Variants in GRTP1 observed in about 807,000 individuals in gnomAD.
GRTP1 encodes growth hormone regulated TBC protein 1.
Under a neutral mutation model 38.1 loss-of-function variants are expected in GRTP1, and 56 were observed. The observed-to-expected ratio is 1.47, with a 90% CI of 1.19 to 1.84. The LOEUF is 1.84. Ranked by LOEUF, GRTP1 falls within the 40% of genes most tolerant of loss-of-function variation. The pLI is 0.00. For missense variants in GRTP1, 506 were observed against 453.9 expected, an observed-to-expected ratio of 1.11 and a Z score of -1.04; for synonymous variants, 217 against 189.5, an observed-to-expected ratio of 1.14 and a Z score of -1.19.
rs1419098215 is a variant in GRTP1 at position 113,348,158 on chromosome 13, C to T, written c.465+2691G>A. On this transcript the variant is annotated intron_variant, in intron 4 of 7. Coordinates refer to ENST00000375431, the MANE Select transcript of GRTP1 (RefSeq NM_024719.4). The surrounding 1 kb of genome is among the most constrained non-coding windows in gnomAD (Gnocchi z 4.8). The stretch of plus-strand genomic sequence containing the variant: ...CATGGAAATGCAGGTGGGTGATCAT[C>T]GTGGAGAAAAAGCAGAACATAGCCA... 2.0e-5 allele frequency among the ~76,000 whole-genome samples: 3 copies of T among 152,088 alleles called. No individual in the cohort carries two copies. The highest frequency in any genetic ancestry group is 2.9e-5 in the Non-Finnish European group (2 of 68,018).
rs146623838 is a variant in GRTP1 at position 113,332,381 on chromosome 13, C to CGT, written c.563-6291_563-6290insAC. On this transcript the variant is annotated intron_variant, in intron 5 of 7. Transcript: ENST00000375431. The stretch of plus-strand genomic sequence containing the variant: ...CACACGTGCACACGCACACCACACA[C>CGT]GCACACGCACGCCACACACAGGTAC... Among the ~76,000 whole-genome samples the CGT allele has an allele frequency of 7.8e-3, 473 of 61,004 alleles. 13 individuals are homozygous for CGT. Among genetic ancestry groups the CGT allele is most frequent in the African/African-American group, 9.7e-3 (227 of 23,508 alleles). 40.0% of individuals were successfully genotyped at this position (61,004 alleles called of 152,430 possible). A position where few individuals can be genotyped will look rare whatever the true frequency, so the allele number is the denominator to read the frequency against.
At chr13:113,345,403 C>T (rs2043086757) in intron 4 of GRTP1, among the ~76,000 whole-genome samples, 1 of 152,226 alleles carries the variant, frequency 6.6e-6, no homozygotes, top group Admixed American at 6.5e-5. Flanking sequence ...GTGGTGGAGA[C>T]CCTTTTGGGA....
chr13:113,329,040 C>T (rs1054393274), intron 5 of GRTP1, among the ~76,000 whole-genome samples: 2 of 152,266 alleles, frequency 1.3e-5, no homozygotes, highest in Non-Finnish European at 2.9e-5. Context: ...CGCCCAGGCG[C>T]CAGCCACGCT....
intron 7 of GRTP1, 73 bp downstream of exon 7, chr13:113,325,588 C>T: frequency 6.2e-7 from 1 of 1,610,094 alleles, no homozygotes; most frequent in Non-Finnish European, 8.5e-7. Context: ...TCCGGGTGGT[C>T]AGAGCAGCCC....
intron 4 of GRTP1, among the ~76,000 whole-genome samples, chr13:113,346,139 C>CGG: frequency 8.7e-6 from 1 of 115,494 alleles, no homozygotes; most frequent in Admixed American, 9.4e-5. Flanking sequence ...TGGACAAGAG[C>CGG]AGACCCGGGA....
rs192144347 is a variant in GRTP1 at position 113,350,180 on chromosome 13, C to T, written c.465+669G>A. On this transcript the variant is annotated intron_variant, in intron 4 of 7. Transcript: ENST00000375431. ...GACAGGCCCAGGCAGGACACACAGG[C>T]TGGGAGACTGCACGGCTCCTGGTTG... is the stretch of plus-strand genomic sequence containing the variant. 4.9e-3 allele frequency among the ~76,000 whole-genome samples: 743 copies of T among 152,224 alleles called. 2 individuals carry two copies. The highest frequency in any genetic ancestry group is 7.8e-3 in the Non-Finnish European group (528 of 67,998).
At chr13:113,355,066 A>G (rs2043357796) in intron 3 of GRTP1, 2 of 397,378 alleles carry the variant, frequency 5.0e-6, no homozygotes, top group South Asian at 4.8e-5. Flanking sequence ...GCGAGTCTTC[A>G]TGGAGCGCAT....
chr13:113,324,249 ATTATT>A lies in GRTP1; in HGVS notation c.*234_*238del. 2.1e-6 allele frequency: 1 copy of A among 471,010 alleles called. No individual in the cohort carries two copies. The highest frequency in any genetic ancestry group is 3.5e-6 in the Non-Finnish European group (1 of 283,142). The allele number at this position is 471,010 out of a possible 1,614,324, so 29.2% of individuals were successfully genotyped here. On this transcript the variant is annotated 3_prime_UTR_variant, in exon 8 of 8. Transcript: ENST00000375431. ...ACAAACCCACACTCACATTTTATAT[ATTATT>A]GATCTCTCAGGTAAAAATAAGTTTT...
chr13:113,340,795 A>G (rs2043015983), intron 5 of GRTP1, among the ~76,000 whole-genome samples: 1 of 151,996 alleles, frequency 6.6e-6, no homozygotes, highest in Non-Finnish European at 1.5e-5. Flanking sequence ...AATTAAATAA[A>G]TAAAACAATA....
intron 4 of GRTP1, among the ~76,000 whole-genome samples, chr13:113,346,051 C>A (rs753328470): frequency 4.2e-4 from 3 of 7,210 alleles, no homozygotes; most frequent in South Asian, 4.3e-3. Flanking sequence ...TGGCCGAGAG[C>A]AGACCCGGGA....
chr13:113,329,232 C>A (rs1483895439), intron 5 of GRTP1, among the ~76,000 whole-genome samples: 1 of 152,200 alleles, frequency 6.6e-6, no homozygotes, highest in Non-Finnish European at 1.5e-5. Flanking sequence ...AAGGTATAAT[C>A]CACGCATAAC....
At chr13:113,328,212 C>T (rs1434508738) in intron 5 of GRTP1, among the ~76,000 whole-genome samples, 1 of 152,202 alleles carries the variant, frequency 6.6e-6, no homozygotes, top group Non-Finnish European at 1.5e-5. Flanking sequence ...CACGCCTCTG[C>T]AAACCACCCA....
rs951523403 is a variant in GRTP1 at position 113,343,130 on chromosome 13, T to C, written c.562+1733A>G. The stretch of plus-strand genomic sequence containing the variant: ...TGAAAAGAACTGCATGGCCCACGGC[T>C]GTGAAGATTCGCCATGATTTGCACT... On this transcript the variant is annotated intron_variant, in intron 5 of 7. Coordinates refer to ENST00000375431, the MANE Select transcript of GRTP1 (RefSeq NM_024719.4). The surrounding 1 kb of genome is among the most constrained non-coding windows in gnomAD (Gnocchi z 4.8). Among the ~76,000 whole-genome samples, 1 of 152,204 alleles carries C rather than the reference T, an allele frequency of 6.6e-6. No individual in the cohort carries two copies. The highest frequency in any genetic ancestry group is 1.5e-5 in the Non-Finnish European group (1 of 68,026).
intron 7 of GRTP1, chr13:113,324,889 C>G: frequency 1.2e-6 from 1 of 833,016 alleles, no homozygotes; most frequent in Non-Finnish European, 1.5e-6. Flanking sequence ...TGCAGTGGCG[C>G]GATCTCGGCT....
chr13:113,353,658 T>C (rs368356367), intron 3 of GRTP1, among the ~76,000 whole-genome samples: 14 of 149,706 alleles, frequency 9.4e-5, no homozygotes, highest in African/African-American at 3.3e-4. Context: ...CACAGCGGGA[T>C]TGCCAGGGGC....
Position 113,342,949 on chromosome 13 carries a change from G to A in GRTP1, c.562+1914C>T, listed in dbSNP as rs183738232. ...CACCAGCACGGCGGGGCCTGCTCCT[G>A]CCCTCTAGGTTGGTGCTGAGCCCTC... is the stretch of plus-strand genomic sequence containing the variant. On this transcript the variant is annotated intron_variant, in intron 5 of 7. Coordinates refer to ENST00000375431, the MANE Select transcript of GRTP1 (RefSeq NM_024719.4). This position sits in a 1 kb window ranked among gnomAD's most constrained non-coding sequence, Gnocchi z 4.5. Among the ~76,000 whole-genome samples, 164 of 152,178 alleles carry A rather than the reference G, an allele frequency of 1.1e-3. No individual in the cohort carries two copies. Among genetic ancestry groups the A allele is most frequent in the African/African-American group, 3.8e-3 (159 of 41,506 alleles).
chr13:113,346,184 C>CTCTGCGGCTGAGCAGACCTGGGAAGACA (rs2043118940), intron 4 of GRTP1, among the ~76,000 whole-genome samples: 2 of 141,150 alleles, frequency 1.4e-5, no homozygotes, highest in African/African-American at 5.3e-5. Flanking sequence ...CCGGGAGGAC[C>CTCTGCGGCTGAGCAGACCTGGGAAGACA]TCTGTGGCTG....
At chr13:113,345,119 T>G in intron 4 of GRTP1, 160 bp from the exon 5 acceptor site, 1 of 298,478 alleles carries the variant, frequency 3.4e-6, no homozygotes, top group Non-Finnish European at 5.0e-6. Context: ...CTAGAGTCAC[T>G]AAATACCTAC....
In GRTP1 at chr13:113,348,708, A is replaced by G. The variant is rs1195122872; in HGVS notation, c.465+2141T>C. Among the ~76,000 whole-genome samples the G allele has an allele frequency of 6.6e-6, 1 of 152,140 alleles. No individual in the cohort carries two copies. The highest frequency in any genetic ancestry group is 1.5e-5 in the Non-Finnish European group (1 of 68,038). On this transcript the variant is annotated intron_variant, in intron 4 of 7. Transcript: ENST00000375431. This position sits in a 1 kb window ranked among gnomAD's most constrained non-coding sequence, Gnocchi z 4.8. ...GATGGAGGCAGAGATTGGAGTAGTG[A>G]TGCCACCCGCCGAGGGGCACCCAGG...
Sources: allele counts gnomAD v4.1 joint callset (sites outside exome capture counted in the v4.1 genomes callset), GRCh38; gene constraint gnomAD v4.1.1; non-coding constraint Gnocchi (gnomAD v3.1); transcripts MANE v1.5; gene names NCBI Gene and HGNC (gene_info 2026-07-23, HGNC 2026-07-21).